The following CLDN16 variants were observed in gnomAD, a reference collection of about 807,000 sequenced individuals.
CLDN16 encodes claudin 16.
A neutral mutation model predicts 24.6 loss-of-function variants in CLDN16; 13 were observed. The observed-to-expected ratio is 0.53, with a 90% confidence interval of 0.34 to 0.84. The LOEUF (loss-of-function observed/expected upper bound fraction) is 0.84, where lower values mean the gene tolerates loss of function less well. CLDN16 is among the 40% of genes least tolerant of loss of function. CLDN16 has a pLI of 0.01. For missense variants in CLDN16, 298 were observed against 292.7 expected, an observed-to-expected ratio of 1.02 and a Z score of -0.13; for synonymous variants, 116 against 106.7, an observed-to-expected ratio of 1.09 and a Z score of -0.54.
chr3:190,335,806 C>A (rs544705059), intron 1 of CLDN16, among the ~76,000 whole-genome samples: 1 of 149,084 alleles, frequency 6.7e-6, no homozygotes, highest in African/African-American at 2.5e-5. Context: ...TTCTAGAGAA[C>A]ACAGCTTCTA....
upstream of CLDN16, among the ~76,000 whole-genome samples, chr3:190,321,309 C>T (rs780219261): frequency 5.9e-5 from 9 of 152,116 alleles, no homozygotes; most frequent in African/African-American, 2.2e-4. Context: ...AGCACTACAC[C>T]GTCAGCCTCT....
At chr3:190,400,301 C>T (rs941066835) in intron 1 of CLDN16, among the ~76,000 whole-genome samples, 1 of 152,028 alleles carries the variant, frequency 6.6e-6, no homozygotes, top group African/African-American at 2.4e-5. Context: ...TGCAGTGGCG[C>T]GATCTCGGCT....
chr3:190,347,001 T>C (rs2108632971), intron 1 of CLDN16, among the ~76,000 whole-genome samples: 1 of 152,320 alleles, frequency 6.6e-6, no homozygotes, highest in East Asian at 1.9e-4. Flanking sequence ...TGGAGAACAC[T>C]ATTATTATTT....
intron 1 of CLDN16, among the ~76,000 whole-genome samples, chr3:190,331,277 C>T (rs1717174739): frequency 6.6e-6 from 1 of 152,164 alleles, no homozygotes; most frequent in Non-Finnish European, 1.5e-5. Flanking sequence ...TGGTGGCTGC[C>T]ACCATATTCC....
the CLDN16 span, among the ~76,000 whole-genome samples, chr3:190,292,231 T>C: frequency 6.6e-6 from 1 of 152,204 alleles, no homozygotes; most frequent in Admixed American, 6.5e-5. Flanking sequence ...GAAATTCAGG[T>C]GGAGGTTCCC....
intron 1 of CLDN16, among the ~76,000 whole-genome samples, chr3:190,390,848 T>C (rs62278700): frequency 0.19 from 28,361 of 152,170 alleles, 3,087 homozygotes; most frequent in Middle Eastern, 0.29. Flanking sequence ...TGTACTGGTG[T>C]GATCATATCT....
chr3:190,356,200 T>C (rs969854800), intron 1 of CLDN16, among the ~76,000 whole-genome samples: 3 of 151,810 alleles, frequency 2.0e-5, no homozygotes, highest in Non-Finnish European at 4.4e-5. Flanking sequence ...ATATTAGTAA[T>C]GACATCTTTA....
At chr3:190,314,912 C>A in the CLDN16 span, among the ~76,000 whole-genome samples, 3 of 152,106 alleles carry the variant, frequency 2.0e-5, no homozygotes, top group African/African-American at 7.2e-5. Context: ...GGCAGAGGAA[C>A]TGCTGGATCA....
chr3:190,368,357 C>A (rs1238093495), intron 1 of CLDN16, among the ~76,000 whole-genome samples: 3 of 151,938 alleles, frequency 2.0e-5, no homozygotes, highest in African/African-American at 4.8e-5. Context: ...AGAATCAATT[C>A]TTTCCCCCAT....
At chr3:190,316,892 A>G in the CLDN16 span, among the ~76,000 whole-genome samples, 1 of 152,218 alleles carries the variant, frequency 6.6e-6, no homozygotes, top group Non-Finnish European at 1.5e-5. Flanking sequence ...TCTTGCTACT[A>G]AAAGCCAGAC....
chr3:190,318,759 GGA>G (rs2108613738), upstream of CLDN16, among the ~76,000 whole-genome samples: 1 of 152,312 alleles, frequency 6.6e-6, no homozygotes, highest in South Asian at 2.1e-4. Flanking sequence ...CAACGCATCT[GGA>G]GAAGCATAAA....
intron 1 of CLDN16, among the ~76,000 whole-genome samples, chr3:190,331,047 C>T (rs1042540056): frequency 2.0e-5 from 3 of 152,148 alleles, no homozygotes; most frequent in African/African-American, 4.8e-5. Context: ...CAGAGTGCAA[C>T]ATTGCAAAAG....
upstream of CLDN16, among the ~76,000 whole-genome samples, chr3:190,319,863 A>C (rs116437906): frequency 0.014 from 2,125 of 152,360 alleles, 45 homozygotes; most frequent in Non-Finnish European, 0.016. Flanking sequence ...AGAGAAATGA[A>C]GTAAGGTTTC....
At chr3:190,318,979 G>A (rs891672537), upstream of CLDN16, among the ~76,000 whole-genome samples, 3 of 152,108 alleles carry the variant, frequency 2.0e-5, no homozygotes, top group Non-Finnish European at 1.5e-5. Flanking sequence ...CTCAGGGTTC[G>A]GTGAGATTGA....
intron 1 of CLDN16, among the ~76,000 whole-genome samples, chr3:190,359,586 T>C (rs1017009755): frequency 6.6e-6 from 1 of 152,060 alleles, no homozygotes; most frequent in African/African-American, 2.4e-5. Context: ...TTAACATTAG[T>C]ACTAAGTACA....
At chr3:190,406,076 T>A (rs1325877180) in intron 3 of CLDN16, among the ~76,000 whole-genome samples, 3 of 152,182 alleles carry the variant, frequency 2.0e-5, no homozygotes, top group East Asian at 3.9e-4. Flanking sequence ...GTGTCTCTGT[T>A]TCCTGATCTG....
At position 190,332,514 on chromosome 3, in the gene CLDN16, A is replaced by G. The variant is rs189953812; in HGVS notation, n.121+9853A>G. The stretch of plus-strand genomic sequence containing the variant: ...GGGAAAATGGGGTTCTCTTCCTGGC[A>G]TAGCCACTTACTCACCTGTGCAATT... On this transcript the variant is annotated intron_variant and non_coding_transcript_variant, in intron 1 of 4. Transcript: ENST00000468220. Among the ~76,000 whole-genome samples, 648 of 152,294 alleles carry G rather than the reference A, an allele frequency of 4.3e-3. 6 individuals are homozygous for G. The highest frequency in any genetic ancestry group is 6.8e-3 in the Middle Eastern group (2 of 294).
chr3:190,364,965 A>G (rs996617688), intron 1 of CLDN16, among the ~76,000 whole-genome samples: 10 of 151,682 alleles, frequency 6.6e-5, no homozygotes, highest in African/African-American at 2.4e-4. Context: ...TTCTTTAGTC[A>G]ATGGATACTT....
intron 1 of CLDN16, among the ~76,000 whole-genome samples, chr3:190,336,543 C>T (rs4096914): frequency 4.6e-5 from 7 of 152,100 alleles, no homozygotes; most frequent in Non-Finnish European, 8.8e-5. Context: ...GAAAGTTCCC[C>T]GTTTTCAGTG....
Sources: allele counts gnomAD v4.1 joint callset (sites outside exome capture counted in the v4.1 genomes callset), GRCh38; gene constraint gnomAD v4.1.1; transcripts MANE v1.5; gene names NCBI Gene and HGNC (gene_info 2026-07-23, HGNC 2026-07-21).